EXPH5: variants seen among roughly 807,000 people sequenced by gnomAD.
The protein encoded by EXPH5 is exophilin 5.
Under a neutral mutation model 41.1 loss-of-function variants are expected in EXPH5, and 42 were observed. The ratio of observed to expected loss-of-function variants is 1.02; its 90% confidence interval spans 0.80 to 1.32. The LOEUF (loss-of-function observed/expected upper bound fraction) is 1.32, where lower values mean the gene tolerates loss of function less well. EXPH5 is among the 40% of genes most tolerant of loss of function. The pLI is 0.00. For missense variants in EXPH5, 2,298 were observed against 2,314.5 expected (o/e 0.99, Z 0.15); for synonymous variants, 798 against 833.5 (o/e 0.96, Z 0.73).
chr11:108,527,696 G>T (rs2093809242), intron 4 of EXPH5, among the ~76,000 whole-genome samples: 1 of 152,142 alleles, frequency 6.6e-6, no homozygotes, highest in African/African-American at 2.4e-5. Flanking sequence ...CATCTCGCTG[G>T]GTCAACCCTC....
At chr11:108,574,443 T>C (rs1226665700) in intron 1 of EXPH5, among the ~76,000 whole-genome samples, 1 of 151,944 alleles carries the variant, frequency 6.6e-6, no homozygotes, top group Non-Finnish European at 1.5e-5. Flanking sequence ...AAATCTATTT[T>C]CAGATAAAGA....
chr11:108,541,171 C>T (rs1405986527), intron 2 of EXPH5, among the ~76,000 whole-genome samples: 4 of 152,174 alleles, frequency 2.6e-5, no homozygotes, highest in African/African-American at 4.8e-5. Flanking sequence ...TCCCAAAGTG[C>T]TGGGATTGCA....
At chr11:108,588,336 T>C (rs941150034) in intron 1 of EXPH5, among the ~76,000 whole-genome samples, 2 of 152,350 alleles carry the variant, frequency 1.3e-5, no homozygotes, top group African/African-American at 2.4e-5. Context: ...TTTATTTTTA[T>C]GGTGAATGGA....
At chr11:108,563,751 G>A (rs1485719855) in intron 1 of EXPH5, among the ~76,000 whole-genome samples, 1 of 152,182 alleles carries the variant, frequency 6.6e-6, no homozygotes, top group Non-Finnish European at 1.5e-5. Flanking sequence ...CCACTGAAGG[G>A]GTGGAGAGGC....
At chr11:108,583,127 A>C (rs990905173) in intron 1 of EXPH5, among the ~76,000 whole-genome samples, 15 of 152,142 alleles carry the variant, frequency 9.9e-5, no homozygotes, top group Non-Finnish European at 1.9e-4. Context: ...TCATGCCTGT[A>C]ATCCCAGCAC....
intron 1 of EXPH5, among the ~76,000 whole-genome samples, chr11:108,575,213 C>T (rs536036854): frequency 5.3e-5 from 8 of 151,914 alleles, no homozygotes; most frequent in African/African-American, 1.7e-4. Flanking sequence ...ATTTTTTTTC[C>T]CACAAAATTG....
chr11:108,565,858 T>C (rs772834695), intron 1 of EXPH5, among the ~76,000 whole-genome samples: 2 of 152,240 alleles, frequency 1.3e-5, no homozygotes, highest in Non-Finnish European at 2.9e-5. Flanking sequence ...CCATGCTCTC[T>C]AGGCAACTTT....
At chr11:108,591,381 G>T (rs930481651) in intron 1 of EXPH5, among the ~76,000 whole-genome samples, 7 of 152,154 alleles carry the variant, frequency 4.6e-5, no homozygotes, top group African/African-American at 1.7e-4. Context: ...CCTGAAGTGG[G>T]TAAGCAGAAC....
At chr11:108,530,071 T>A (rs565238389) in intron 3 of EXPH5, among the ~76,000 whole-genome samples, 306 of 152,338 alleles carry the variant, frequency 2.0e-3, no homozygotes, top group African/African-American at 6.9e-3. Context: ...AATACTCTTA[T>A]ACCCTTAAGA....
At chr11:108,592,652 ATC>A (rs1377224820) in intron 1 of EXPH5, among the ~76,000 whole-genome samples, 1 of 152,184 alleles carries the variant, frequency 6.6e-6, no homozygotes, top group Non-Finnish European at 1.5e-5. Flanking sequence ...CTGGGTAATT[ATC>A]TGTGTCTCTG....
At chr11:108,568,450 C>A (rs1050802419) in intron 1 of EXPH5, among the ~76,000 whole-genome samples, 9 of 152,126 alleles carry the variant, frequency 5.9e-5, no homozygotes, top group African/African-American at 1.9e-4. Context: ...CCATCTGGAG[C>A]CGAGGAACAA....
upstream of EXPH5, chr11:108,593,871 C>G (rs560863655): frequency 3.6e-6 from 3 of 842,636 alleles, no homozygotes; most frequent in African/African-American, 3.5e-5. Flanking sequence ...CCCTCGTCCC[C>G]TCCCTCGTCC....
intron 1 of EXPH5, among the ~76,000 whole-genome samples, chr11:108,589,881 A>G (rs909179990): frequency 6.6e-6 from 1 of 152,214 alleles, no homozygotes; most frequent in Non-Finnish European, 1.5e-5. Context: ...TAAAGTGTAT[A>G]CCTAATGAGG....
chr11:108,578,872 A>G (rs2094088589), intron 1 of EXPH5, among the ~76,000 whole-genome samples: 1 of 152,170 alleles, frequency 6.6e-6, no homozygotes, highest in African/African-American at 2.4e-5. Context: ...ACTTGACTGA[A>G]TTCTTTTATC....
At chr11:108,515,625 C>A (rs773901531) in intron 5 of EXPH5, among the ~76,000 whole-genome samples, 1 of 151,990 alleles carries the variant, frequency 6.6e-6, no homozygotes, top group Non-Finnish European at 1.5e-5. Flanking sequence ...GAAGGTTGGT[C>A]CTATTACTAT....
At chr11:108,561,028 T>C (rs954335449) in intron 1 of EXPH5, among the ~76,000 whole-genome samples, 4 of 152,226 alleles carry the variant, frequency 2.6e-5, no homozygotes, top group African/African-American at 9.6e-5. Flanking sequence ...ATATAAATAA[T>C]AATATAACTA....
Position 108,509,968 on chromosome 11 carries a change from G to T in EXPH5, c.5539C>A (p.Arg1847=). The change falls in exon 6 of 6, where the codon CGA becomes AGA. Residue 1847 remains arginine (R), a synonymous_variant. Transcript: ENST00000265843. ...NEFSVNNGYS[R]RFRSFSELPS... ...AGTTCAGAAAAAGATCTGAATCTTC[G>T]ACTGTACCCATTGTTGACAGAGAAT... The T allele has an allele frequency of 6.2e-7, 1 of 1,613,518 alleles. No homozygotes were observed. The highest frequency in any genetic ancestry group is 1.1e-5 in the South Asian group (1 of 90,874).
chr11:108,569,925 T>C (rs904185573), intron 1 of EXPH5, among the ~76,000 whole-genome samples: 2 of 152,226 alleles, frequency 1.3e-5, no homozygotes, highest in Admixed American at 6.5e-5. Context: ...ACTGCCTCAA[T>C]GCTGCAAATG....
chr11:108,578,030 C>G (rs750758913), intron 1 of EXPH5, among the ~76,000 whole-genome samples: 2 of 152,126 alleles, frequency 1.3e-5, no homozygotes, highest in Non-Finnish European at 2.9e-5. Flanking sequence ...TGTGGAGAAG[C>G]TTTTTAGCTT....
Sources: allele counts gnomAD v4.1 joint callset (sites outside exome capture counted in the v4.1 genomes callset), GRCh38; gene constraint gnomAD v4.1.1; transcripts MANE v1.5; gene names NCBI Gene and HGNC (gene_info 2026-07-23, HGNC 2026-07-21).